DDR1: variants seen among roughly 807,000 people sequenced by gnomAD.
DDR1 encodes epithelial discoidin domain-containing receptor 1.
A neutral mutation model predicts 97.4 loss-of-function variants in DDR1; 64 were observed. The ratio of observed to expected loss-of-function variants is 0.66; its 90% CI spans 0.54 to 0.81. The LOEUF (loss-of-function observed/expected upper bound fraction) is 0.81, where lower values mean the gene tolerates loss of function less well. Among genes scored for constraint, DDR1 ranks in the 30% least tolerant of loss-of-function variants. The probability of loss-of-function intolerance (pLI) is 0.00; values close to 1 mark genes in which losing one functional copy is unlikely to be tolerated. For missense variants in DDR1, 990 were observed against 1,259.6 expected (o/e 0.79, Z 3.24); for synonymous variants, 458 against 503.7 (o/e 0.91, Z 1.21).
In DDR1 at chr6:30,888,695, G is replaced by GC; in HGVS notation, c.-30dup. 1 of 1,611,704 alleles carries GC rather than the reference G, an allele frequency of 6.2e-7. No homozygotes were observed. The highest frequency in any genetic ancestry group is 8.5e-7 in the Non-Finnish European group (1 of 1,179,540). On this transcript the variant is annotated 5_prime_UTR_variant, in exon 2 of 18. It removes the in-frame stop codon of an upstream open reading frame in the 5' UTR. Coordinates refer to ENST00000376568, the MANE Select transcript of DDR1 (RefSeq NM_001297654.2). This position sits in a 1 kb window ranked among gnomAD's most constrained non-coding sequence, Gnocchi z 4.2. The stretch of plus-strand genomic sequence containing the variant: ...CCATTTTATCCCCTGCAGAGATGCT[G>GC]CCCCCACCCCCTTAGGCCCGAGGGA...
chr6:30,885,528 T>G, intron 1 of DDR1: 2 of 1,311,612 alleles, frequency 1.5e-6, no homozygotes, highest in South Asian at 3.1e-5. Flanking sequence ...TGGGCCCCAG[T>G]TCTCTGGGGA....
chr6:30,898,463 G>C (rs1791757093), intron 16 of DDR1, among the ~76,000 whole-genome samples, 156 bp downstream of exon 16: 1 of 152,228 alleles, frequency 6.6e-6, no homozygotes, highest in South Asian at 2.1e-4. Context: ...CAAGGGACTG[G>C]GGAAAGCAGG....
In DDR1 at chr6:30,897,941, G is replaced by A; in HGVS notation, c.2217-132G>A. The A allele has an allele frequency of 1.5e-6, 1 of 680,592 alleles. No homozygotes were observed. 42.2% of individuals were successfully genotyped at this position (680,592 alleles called of 1,614,324 possible). A position where few individuals can be genotyped will look rare whatever the true frequency, so the allele number is the denominator to read the frequency against. ...GGAGATTGAGAGGGAAGTGACCCTT[G>A]GCCTCACGTGGGCATTCCACCTCCA... On this transcript the variant is annotated intron_variant, in intron 15 of 17. Coordinates refer to ENST00000376568, the MANE Select transcript of DDR1 (RefSeq NM_001297654.2). The surrounding 1 kb of genome is among the most constrained non-coding windows in gnomAD (Gnocchi z 5.2).
rs1391335650 is a variant in DDR1, at chr6:30,897,327, A to T, written c.1998-52A>T. The T allele has an allele frequency of 5.1e-6, 8 of 1,568,342 alleles. No individual in the cohort carries two copies. Among genetic ancestry groups the T allele is most frequent in the Non-Finnish European group, 7.0e-6 (8 of 1,150,856 alleles). On this transcript the variant is annotated intron_variant, in intron 14 of 17. Transcript: ENST00000376568. This position sits in a 1 kb window ranked among gnomAD's most constrained non-coding sequence, Gnocchi z 5.2. Reference sequence around the variant, plus strand: ...GGCAGGGGGGTGGGGGCGCGGGGGAAGGTGCAGGCCGCCCACTCGGCATTC... The same window carrying T: ...GGCAGGGGGGTGGGGGCGCGGGGGATGGTGCAGGCCGCCCACTCGGCATTC...
In DDR1 at chr6:30,890,721, G is replaced by A; in HGVS notation, c.418-252G>A. On this transcript the variant is annotated intron_variant, in intron 4 of 17. Coordinates refer to ENST00000376568, the MANE Select transcript of DDR1 (RefSeq NM_001297654.2). The surrounding 1 kb of genome is among the most constrained non-coding windows in gnomAD (Gnocchi z 5.0). ...GCTTGGAGACAAATGGATGGAGCCAGGCAAGGAGAAGAGGGCAGCTGAGCC... is the reference window on the plus strand; with the variant it reads ...GCTTGGAGACAAATGGATGGAGCCAAGCAAGGAGAAGAGGGCAGCTGAGCC... 2.2e-6 allele frequency: 1 copy of A among 461,134 alleles called. No homozygotes were observed. The highest frequency in any genetic ancestry group is 5.1e-5 in the South Asian group (1 of 19,722). 28.6% of individuals were successfully genotyped at this position (461,134 alleles called of 1,614,324 possible).
In DDR1 at chr6:30,889,121, G is replaced by T. The variant is rs941421205; in HGVS notation, c.189-81G>T. On this transcript the variant is annotated intron_variant, in intron 3 of 17. Transcript: ENST00000376568. This position sits in a 1 kb window ranked among gnomAD's most constrained non-coding sequence, Gnocchi z 4.9. The stretch of plus-strand genomic sequence containing the variant: ...CAGTGAAACCCCTGCAGGCTGAGGG[G>T]GCAAATGAAGTGGGGTTTAAATACT... 1 of 1,583,100 alleles carries T rather than the reference G, an allele frequency of 6.3e-7. No homozygotes were observed. Among genetic ancestry groups the T allele is most frequent in the Non-Finnish European group, 8.7e-7 (1 of 1,154,124 alleles).
chr6:30,888,329 T>G lies in DDR1; in HGVS notation c.-42-359T>G. 1 of 223,378 alleles carries G rather than the reference T, an allele frequency of 4.5e-6. No individual in the cohort carries two copies. Among genetic ancestry groups the G allele is most frequent in the Non-Finnish European group, 8.8e-6 (1 of 113,912 alleles). The allele number at this position is 223,378 out of a possible 1,614,324, so 13.8% of individuals were successfully genotyped here. A position where few individuals can be genotyped will look rare whatever the true frequency, so the allele number is the denominator to read the frequency against. ...GTTATAAACATTTTTTGCACACTTGTTGTTTGTTCTAAGCCGTTGTTTATG... is the reference window on the plus strand; with the variant it reads ...GTTATAAACATTTTTTGCACACTTGGTGTTTGTTCTAAGCCGTTGTTTATG... On this transcript the variant is annotated intron_variant, in intron 1 of 17. Coordinates refer to ENST00000376568, the MANE Select transcript of DDR1 (RefSeq NM_001297654.2). The surrounding 1 kb of genome is among the most constrained non-coding windows in gnomAD (Gnocchi z 4.2).
chr6:30,893,917 G>A (rs987273454), intron 10 of DDR1, among the ~76,000 whole-genome samples: 1 of 152,198 alleles, frequency 6.6e-6, no homozygotes, highest in Admixed American at 6.5e-5. Context: ...CACACCCCAA[G>A]CCACGTCTTC....
rs1168318951 is a variant in DDR1 at position 30,897,035 on chromosome 6, A to G, written c.1891A>G (p.Ser631Gly). The G allele has an allele frequency of 6.2e-7, 1 of 1,613,336 alleles. No individual in the cohort carries two copies. Among genetic ancestry groups the G allele is most frequent in the Admixed American group, 1.7e-5 (1 of 59,938 alleles). The change falls in exon 14 of 18, where the codon AGC becomes GGC. Residue 631 changes from serine (S) to glycine (G), a missense_variant. Ser to Gly is a moderately conservative substitution (Grantham distance 56). Coordinates refer to ENST00000376568, the MANE Select transcript of DDR1 (RefSeq NM_001297654.2). This position sits in a 1 kb window ranked among gnomAD's most constrained non-coding sequence, Gnocchi z 5.2. ...FGEVHLCEVD[S>G]PQDLVSLDFP... ...CCAGGTGCACCTGTGTGAGGTCGACAGCCCTCAAGATCTGGTTAGTCTTGA... is the reference window on the plus strand; with the variant it reads ...CCAGGTGCACCTGTGTGAGGTCGACGGCCCTCAAGATCTGGTTAGTCTTGA...
rs1789394798 is a variant in DDR1, at chr6:30,893,414, C to G, written c.1338C>G (p.Leu446=). ...TCTGGCGGCTGCACTGGCGCAGGCT[C>G]CTCAGCAAGGTGGGCACAGCCGTGG... ...LMLWRLHWRR[L]LSKAERRVLE... The change falls in exon 10 of 18, where the codon CTC becomes CTG. Residue 446 remains leucine (L), a synonymous_variant. Transcript: ENST00000376568. The G allele has an allele frequency of 6.2e-7, 1 of 1,603,752 alleles. No individual in the cohort carries two copies. Among genetic ancestry groups the G allele is most frequent in the Non-Finnish European group, 8.5e-7 (1 of 1,179,540 alleles).
chr6:30,897,038 C>A lies in DDR1; in HGVS notation c.1894C>A (p.Pro632Thr). 6.2e-7 allele frequency: 1 copy of A among 1,613,412 alleles called. No individual in the cohort carries two copies. Among genetic ancestry groups the A allele is most frequent in the Non-Finnish European group, 8.5e-7 (1 of 1,179,620 alleles). Reference sequence around the variant, plus strand: ...GGTGCACCTGTGTGAGGTCGACAGCCCTCAAGATCTGGTTAGTCTTGATTT... The same window carrying A: ...GGTGCACCTGTGTGAGGTCGACAGCACTCAAGATCTGGTTAGTCTTGATTT... ...GEVHLCEVDS[P>T]QDLVSLDFPL... The change falls in exon 14 of 18, where the codon CCT (proline) becomes ACT (threonine). Residue 632 changes from proline to threonine, a missense_variant. Pro to Thr is a conservative substitution (Grantham distance 38). Transcript: ENST00000376568. This position sits in a 1 kb window ranked among gnomAD's most constrained non-coding sequence, Gnocchi z 5.2.
chr6:30,893,450 G>A (rs1248181702), intron 10 of DDR1, 27 bp downstream of exon 10: 4 of 1,584,448 alleles, frequency 2.5e-6, no homozygotes, highest in Admixed American at 3.4e-5. Flanking sequence ...CATGTGGAGT[G>A]GCGGGGGGAG....
chr6:30,893,395 G>A lies in DDR1; in HGVS notation c.1319G>A (p.Arg440Gln), dbSNP rs1016470960. The A allele has an allele frequency of 7.5e-6, 12 of 1,605,964 alleles. No individual in the cohort carries two copies. The Admixed American group carries it at 1.5e-4, about 20-fold the overall frequency. The change falls in exon 10 of 18, where the codon CGG becomes CAG. Residue 440 changes from arginine (R) to glutamine (Q), a missense_variant. Arg to Gln is a conservative substitution (Grantham distance 43). Coordinates refer to ENST00000376568, the MANE Select transcript of DDR1 (RefSeq NM_001297654.2). ...CTCATCATTGCCCTCATGCTCTGGCGGCTGCACTGGCGCAGGCTCCTCAGC... is the reference window on the plus strand; with the variant it reads ...CTCATCATTGCCCTCATGCTCTGGCAGCTGCACTGGCGCAGGCTCCTCAGC... Reference protein sequence around the residue: ...LLLIIALMLWRLHWRRLLSKA... With the variant: ...LLLIIALMLWQLHWRRLLSKA...
In DDR1 at chr6:30,892,288, C is replaced by G. The variant is rs979071353; in HGVS notation, c.853-8C>G. The G allele has an allele frequency of 1.3e-6, 2 of 1,574,970 alleles. No homozygotes were observed. Among genetic ancestry groups the G allele is most frequent in the Non-Finnish European group, 1.7e-6 (2 of 1,158,276 alleles). On this transcript the variant is annotated splice_polypyrimidine_tract_variant and splice_region_variant and intron_variant, in intron 7 of 17. Coordinates refer to ENST00000376568, the MANE Select transcript of DDR1 (RefSeq NM_001297654.2). The stretch of plus-strand genomic sequence containing the variant: ...CCTTGACCCTGTGCCCTCTTCCCTT[C>G]CCCCCAGGTCCACTGTAACAACATG...
rs1386017174 is a variant in DDR1, at chr6:30,889,919, C to T, written c.417+489C>T. Among the ~76,000 whole-genome samples the T allele has an allele frequency of 6.6e-6, 1 of 151,920 alleles. No individual in the cohort carries two copies. On this transcript the variant is annotated intron_variant, in intron 4 of 17. Coordinates refer to ENST00000376568, the MANE Select transcript of DDR1 (RefSeq NM_001297654.2). This position sits in a 1 kb window ranked among gnomAD's most constrained non-coding sequence, Gnocchi z 4.9. ...TCCTTGATTCCTTTTTTTCTCTCAC[C>T]TCCTTCCAAAGCATCAGCAGCCCCG...
At position 30,889,804 on chromosome 6, in the gene DDR1, C is replaced by T. The variant is rs750494349; in HGVS notation, c.417+374C>T. On this transcript the variant is annotated intron_variant, in intron 4 of 17. Transcript: ENST00000376568. The surrounding 1 kb of genome is among the most constrained non-coding windows in gnomAD (Gnocchi z 4.9). ...CCAAGCTGAATTTGATTCCCATTCC[C>T]AGCCTAAACCTGCTCCTCCCCTGGC... Among the ~76,000 whole-genome samples the T allele has an allele frequency of 6.6e-6, 1 of 152,162 alleles. No individual in the cohort carries two copies. Among genetic ancestry groups the T allele is most frequent in the Admixed American group, 6.5e-5 (1 of 15,268 alleles).
rs904445616 is a variant in DDR1, at chr6:30,897,675, G to A, written c.2216+78G>A. ...TCCTCTCCCCTCGCTTCAGCCTGGAGGAAAAGAGGGGAGCGTGGGGGTGGG... is the reference window on the plus strand; with the variant it reads ...TCCTCTCCCCTCGCTTCAGCCTGGAAGAAAAGAGGGGAGCGTGGGGGTGGG... On this transcript the variant is annotated intron_variant, in intron 15 of 17. Coordinates refer to ENST00000376568, the MANE Select transcript of DDR1 (RefSeq NM_001297654.2). This position sits in a 1 kb window ranked among gnomAD's most constrained non-coding sequence, Gnocchi z 5.2. The A allele has an allele frequency of 2.5e-6, 3 of 1,217,488 alleles. No homozygotes were observed. Among genetic ancestry groups the A allele is most frequent in the Admixed American group, 4.2e-5 (2 of 47,272 alleles). The allele number at this position is 1,217,488 out of a possible 1,614,324, so 75.4% of individuals were successfully genotyped here. A position where few individuals can be genotyped will look rare whatever the true frequency, so the allele number is the denominator to read the frequency against.
chr6:30,891,932 G>A lies in DDR1; in HGVS notation c.666-70G>A. ...CATGCCACTGTGCCGGAGGGTGGCGGAGCAGAATGCCTGGATGTCAAGACC... is the reference window on the plus strand; with the variant it reads ...CATGCCACTGTGCCGGAGGGTGGCGAAGCAGAATGCCTGGATGTCAAGACC... On this transcript the variant is annotated intron_variant, in intron 6 of 17. Transcript: ENST00000376568. The surrounding 1 kb of genome is among the most constrained non-coding windows in gnomAD (Gnocchi z 5.3). The A allele has an allele frequency of 1.3e-6, 2 of 1,559,868 alleles. No individual in the cohort carries two copies. Among genetic ancestry groups the A allele is most frequent in the South Asian group, 2.3e-5 (2 of 87,806 alleles).
rs774903575 is a variant in DDR1 at position 30,891,471 on chromosome 6, C to G, written c.657C>G (p.Thr219=). 6.2e-7 allele frequency: 1 copy of G among 1,612,158 alleles called. No homozygotes were observed. The highest frequency in any genetic ancestry group is 8.5e-7 in the Non-Finnish European group (1 of 1,179,712). ...YLNDSTYDGH[T]VGGLQYGGLG... is the part of the protein sequence containing the mutation. ...ACGACTCCACCTATGACGGACATAC[C>G]GTGGGCGGGTAAGAAAGGCCCCTGC... The change falls in exon 6 of 18, where the codon ACC becomes ACG. Residue 219 remains threonine, a synonymous_variant. Transcript: ENST00000376568. The surrounding 1 kb of genome is among the most constrained non-coding windows in gnomAD (Gnocchi z 5.3).
Sources: gnomAD v4.1 joint callset for allele counts (sites outside exome capture counted in the v4.1 genomes callset) on GRCh38, gnomAD v4.1.1 for gene constraint, Gnocchi (gnomAD v3.1) non-coding constraint, MANE v1.5 for transcripts, NCBI Gene and HGNC (gene_info 2026-07-23, HGNC 2026-07-21) for gene names.